The following COL16A1 variants were observed in gnomAD, a reference collection of about 807,000 sequenced individuals.
COL16A1 encodes the protein collagen type XVI alpha 1 chain, also known as collagen alpha-1(XVI) chain.
COL16A1 carries 189 observed loss-of-function variants against 266.3 expected under a neutral mutation model. That is an observed-to-expected ratio of 0.71 (90% CI 0.63 to 0.80). The LOEUF (loss-of-function observed/expected upper bound fraction) is 0.80. COL16A1 is among the 30% of genes least tolerant of loss of function. The pLI, the probability that COL16A1 is intolerant of heterozygous loss-of-function variation, is 0.00. For missense variants in COL16A1, 1,928 were observed against 2,122.4 expected (o/e 0.91, Z 1.80); for synonymous variants, 740 against 782.3 (o/e 0.95, Z 0.90).
At chr1:31,678,345 A>G (rs1260035076) in intron 42 of COL16A1, among the ~76,000 whole-genome samples, 2 of 152,246 alleles carry the variant, frequency 1.3e-5, no homozygotes, top group African/African-American at 2.4e-5. Context: ...AGTGGTGTCT[A>G]TGCCACCTAG....
At chr1:31,672,264 G>T in intron 47 of COL16A1, 152 bp downstream of exon 47, 1 of 778,162 alleles carries the variant, frequency 1.3e-6, no homozygotes, top group Non-Finnish European at 2.1e-6. Flanking sequence ...GCTGGGTCCT[G>T]TGTATCCCAG....
At chr1:31,695,164 T>C (rs1205784235) in intron 11 of COL16A1, 22 bp downstream of exon 11, 2 of 1,613,386 alleles carry the variant, frequency 1.2e-6, no homozygotes, top group Non-Finnish European at 1.7e-6. Flanking sequence ...CGCTCCACCC[T>C]GCACACCCTC....
In COL16A1 at chr1:31,697,140, A is replaced by G. The variant is rs770235825; in HGVS notation, c.739-52T>C. The stretch of plus-strand genomic sequence containing the variant: ...GTCAGTACAGGAGCAGACTCCTCCT[A>G]AGACCTCCAGGCATCACCTTCCAGA... On this transcript the variant is annotated intron_variant, in intron 7 of 70. Coordinates refer to ENST00000373672, the MANE Select transcript of COL16A1 (RefSeq NM_001856.4). The surrounding 1 kb of genome is among the most constrained non-coding windows in gnomAD (Gnocchi z 4.2). The G allele has an allele frequency of 2.5e-6, 4 of 1,612,848 alleles. No homozygotes were observed. The highest frequency in any genetic ancestry group is 3.4e-6 in the Non-Finnish European group (4 of 1,179,260).
chr1:31,655,722 G>T, intron 66 of COL16A1: 1 of 745,614 alleles, frequency 1.3e-6, no homozygotes, highest in Admixed American at 3.2e-5. Flanking sequence ...GCTCCCAAAT[G>T]TCCTCAGGAT....
chr1:31,699,917 G>GGTCCCCCAAGTTCTGTAAAGC lies in COL16A1; in HGVS notation c.161_162insGCTTTACAGAACTTGGGGGAC (p.Ile54delinsMetLeuTyrArgThrTrpGlyThr). On this transcript the variant is annotated protein_altering_variant, in exon 4 of 71. Coordinates refer to ENST00000373672, the MANE Select transcript of COL16A1 (RefSeq NM_001856.4). ...ACGTCTTCATGAGGCTGAGTCGGTG[G>GGTCCCCCAAGTTCTGTAAAGC]ATGAGGTTGAAGCCTTTGGGGGAGA... 1.2e-6 allele frequency: 2 copies of GGTCCCCCAAGTTCTGTAAAGC among 1,612,876 alleles called. No homozygotes were observed. Among genetic ancestry groups the GGTCCCCCAAGTTCTGTAAAGC allele is most frequent in the Non-Finnish European group, 1.7e-6 (2 of 1,178,780 alleles).
Position 31,657,370 on chromosome 1 carries a change from T to G in COL16A1, c.4021-302A>C, listed in dbSNP as rs1258406338. 1 of 455,808 alleles carries G rather than the reference T, an allele frequency of 2.2e-6. No individual in the cohort carries two copies. The highest frequency in any genetic ancestry group is 1.9e-5 in the African/African-American group (1 of 51,544). 28.2% of individuals were successfully genotyped at this position (455,808 alleles called of 1,614,324 possible). On this transcript the variant is annotated intron_variant, in intron 64 of 70. Transcript: ENST00000373672. This position sits in a 1 kb window ranked among gnomAD's most constrained non-coding sequence, Gnocchi z 6.4. ...CCTGGCACCTTGCACACTCCCTGGC[T>G]CTGAATCTATGTTAAACGTTTGCTG... is the stretch of plus-strand genomic sequence containing the variant.
chr1:31,674,437 C>T (rs1371874602), intron 44 of COL16A1, among the ~76,000 whole-genome samples: 1 of 152,210 alleles, frequency 6.6e-6, no homozygotes, highest in Non-Finnish European at 1.5e-5. Flanking sequence ...TTTGGGAAGC[C>T]GGCCCAGGCC....
chr1:31,689,019 G>A, intron 24 of COL16A1, 31 bp downstream of exon 24: 2 of 1,613,998 alleles, frequency 1.2e-6, no homozygotes, highest in African/African-American at 1.3e-5. Flanking sequence ...GTAGGCAGAG[G>A]AGGGCAGCCA....
intron 63 of COL16A1, 59 bp from the exon 64 acceptor site, chr1:31,658,636 T>C: frequency 6.9e-7 from 1 of 1,442,560 alleles, no homozygotes; most frequent in Non-Finnish European, 9.6e-7. Flanking sequence ...TGGACTCCCA[T>C]ATAGCCAGAG....
chr1:31,688,905 T>C lies in COL16A1; in HGVS notation c.1723A>G (p.Ser575Gly). 6.2e-7 allele frequency: 1 copy of C among 1,614,102 alleles called. No individual in the cohort carries two copies. The highest frequency in any genetic ancestry group is 8.5e-7 in the Non-Finnish European group (1 of 1,179,984). Residue 575 changes from serine to glycine, a missense_variant, in exon 25 of 71, where the codon AGT becomes GGT. Around this residue, in one of 2 missense-constraint regions of COL16A1, gnomAD observed 1,552 missense variants for 1,637.2 expected, o/e 0.95. Coordinates refer to ENST00000373672, the MANE Select transcript of COL16A1 (RefSeq NM_001856.4). The surrounding 1 kb of genome is among the most constrained non-coding windows in gnomAD (Gnocchi z 4.9). ...AAGCCAGGGGAACCCACATCTCCAC[T>C]GGCCCCTGTGGAGGACACAAGATGC... ...AQHLVSSTGA[S>G]GDVGSPGFGL...
At chr1:31,665,378 C>A in intron 55 of COL16A1, 144 bp from the exon 56 acceptor site, 1 of 1,423,110 alleles carries the variant, frequency 7.0e-7, no homozygotes, top group Non-Finnish European at 9.5e-7. Flanking sequence ...ATTACGTCTG[C>A]CTGGCCTGCT....
At chr1:31,699,608 G>A (rs1049195993) in intron 4 of COL16A1, among the ~76,000 whole-genome samples, 2 of 152,230 alleles carry the variant, frequency 1.3e-5, no homozygotes, top group African/African-American at 4.8e-5. Context: ...GCCAGAGACA[G>A]GGGAAAGACA....
At chr1:31,683,884 T>C (rs1643831953) in intron 33 of COL16A1, 66 bp downstream of exon 33, 3 of 1,610,692 alleles carry the variant, frequency 1.9e-6, no homozygotes, top group Non-Finnish European at 2.5e-6. Context: ...ACTGCCCCCA[T>C]GGATCTCCCT....
At chr1:31,686,825 A>C (rs191720713) in intron 26 of COL16A1, among the ~76,000 whole-genome samples, 5 of 152,228 alleles carry the variant, frequency 3.3e-5, no homozygotes, top group African/African-American at 1.2e-4. Context: ...GAGAGGAAAA[A>C]CATTCTGGAT....
In COL16A1 at chr1:31,698,177, G is replaced by A. The variant is rs1237811303; in HGVS notation, c.391-5C>T. The A allele has an allele frequency of 6.2e-7, 1 of 1,613,236 alleles. No individual in the cohort carries two copies. The highest frequency in any genetic ancestry group is 8.5e-7 in the Non-Finnish European group (1 of 1,179,796). On this transcript the variant is annotated splice_polypyrimidine_tract_variant and splice_region_variant and intron_variant, in intron 5 of 70. Coordinates refer to ENST00000373672, the MANE Select transcript of COL16A1 (RefSeq NM_001856.4). This position sits in a 1 kb window ranked among gnomAD's most constrained non-coding sequence, Gnocchi z 4.1. ...GCTGTTGACTTCCAGGGATATCTGG[G>A]TAGAATTTGGAAAGGGAAAGGACAG...
Position 31,658,903 on chromosome 1 carries a change from A to G in COL16A1, c.3930+11T>C. 6.4e-7 allele frequency: 1 copy of G among 1,552,630 alleles called. No individual in the cohort carries two copies. The highest frequency in any genetic ancestry group is 2.4e-5 in the East Asian group (1 of 40,960). On this transcript the variant is annotated intron_variant, in intron 63 of 70. Coordinates refer to ENST00000373672, the MANE Select transcript of COL16A1 (RefSeq NM_001856.4). ...CCTGGGAGGGAGGAAGGAGTGGAGC[A>G]TGTTACTCACCACTGCAGAGATCCC...
rs181202241 is a variant in COL16A1 at position 31,658,778 on chromosome 1, G to A, written c.3930+136C>T. Reference sequence around the variant, plus strand: ...ATCCTGGAAGGCGAGATCTTTGGAGGCAGGAGAGGCTGACACCAGGGAAGG... The same window carrying A: ...ATCCTGGAAGGCGAGATCTTTGGAGACAGGAGAGGCTGACACCAGGGAAGG... On this transcript the variant is annotated intron_variant, in intron 63 of 70. Coordinates refer to ENST00000373672, the MANE Select transcript of COL16A1 (RefSeq NM_001856.4). The A allele has an allele frequency of 3.4e-6, 4 of 1,159,428 alleles. No homozygotes were observed. The East Asian group carries it at 7.7e-5, about 22-fold the overall frequency. 71.8% of individuals were successfully genotyped at this position (1,159,428 alleles called of 1,614,324 possible).
Position 31,656,277 on chromosome 1 carries a change from G to T in COL16A1, c.4101+123C>A, listed in dbSNP as rs557424253. ...CAGACACTATCCTGCTCCAAGTTCTGCATTTTTGCCCCCTGCCCACTGGCC... is the reference window on the plus strand; with the variant it reads ...CAGACACTATCCTGCTCCAAGTTCTTCATTTTTGCCCCCTGCCCACTGGCC... On this transcript the variant is annotated intron_variant, in intron 66 of 70. Transcript: ENST00000373672. The surrounding 1 kb of genome is among the most constrained non-coding windows in gnomAD (Gnocchi z 4.2). 132 of 1,499,694 alleles carry T rather than the reference G, an allele frequency of 8.8e-5. No homozygotes were observed. Among genetic ancestry groups the T allele is most frequent in the Non-Finnish European group, 1.0e-4 (113 of 1,115,718 alleles). 92.9% of individuals were successfully genotyped at this position (1,499,694 alleles called of 1,614,324 possible). A position where few individuals can be genotyped will look rare whatever the true frequency, so the allele number is the denominator to read the frequency against.
At chr1:31,661,580 T>C in intron 59 of COL16A1, 80 bp downstream of exon 59, 1 of 1,612,210 alleles carries the variant, frequency 6.2e-7, no homozygotes, top group South Asian at 1.1e-5. Flanking sequence ...CCACGGAGGA[T>C]CTGGATTTGA....
Sources: gnomAD v4.1 joint callset for allele counts (sites outside exome capture counted in the v4.1 genomes callset) on GRCh38, gnomAD v4.1.1 for gene constraint, gnomAD v4.1.1 regional missense constraint, Gnocchi (gnomAD v3.1) non-coding constraint, MANE v1.5 for transcripts, NCBI Gene and HGNC (gene_info 2026-07-23, HGNC 2026-07-21) for gene names.